FANCB: variants seen among roughly 807,000 people sequenced by gnomAD.
The protein encoded by FANCB is Fanconi anemia group B protein.
A neutral mutation model predicts 38.9 loss-of-function variants in FANCB; 5 were observed. That is an observed-to-expected ratio of 0.13 (90% CI 0.07 to 0.27). The LOEUF is 0.27. FANCB is among the 10% of genes least tolerant of loss of function. The pLI is 1.00. For synonymous variants in FANCB, 236 were observed against 215.4 expected (o/e 1.10, Z -0.84); for missense variants, 573 against 602.7 (o/e 0.95, Z 0.52).
At chrX:14,867,475 C>A (rs991952844) in intron 2 of FANCB, among the ~76,000 whole-genome samples, 2 of 111,340 alleles carry the variant, frequency 1.8e-5, no homozygotes, top group African/African-American at 6.5e-5. Flanking sequence ...AAGAACCACA[C>A]ATTGGGGAAA....
At chrX:14,710,484 A>C in the FANCB span, among the ~76,000 whole-genome samples, 1 of 112,107 alleles carries the variant, frequency 8.9e-6, no homozygotes, top group Non-Finnish European at 1.9e-5. Context: ...CTATATCAGG[A>C]GTTTTCTTAT....
the FANCB span, among the ~76,000 whole-genome samples, chrX:14,735,510 G>T: frequency 8.9e-6 from 1 of 111,835 alleles, no homozygotes; most frequent in Non-Finnish European, 1.9e-5. Context: ...AGGTCTGCTG[G>T]AGTTTCCTGG....
chrX:14,733,721 C>T, the FANCB span, among the ~76,000 whole-genome samples: 13 of 111,624 alleles, frequency 1.2e-4, no homozygotes, highest in African/African-American at 4.2e-4. Context: ...GATTTTGTAT[C>T]CTGAGATTTT....
chrX:14,845,227 C>A lies in FANCB; in HGVS notation c.1556G>T (p.Arg519Leu), dbSNP rs1379342414. 3.3e-6 allele frequency: 4 copies of A among 1,209,328 alleles called. No individual in the cohort carries two copies. Among genetic ancestry groups the A allele is most frequent in the East Asian group, 3.0e-5 (1 of 33,796 alleles). ...CACCCTATTTTGACACTTTAGAAGC[C>A]GAAATCTGGAGTCATGGGCTTGATC... The part of the protein sequence containing the change: ...LMDQAHDSRF[R>L]LLKCQNRVIK... Residue 519 changes from arginine to leucine, a missense_variant, in exon 8 of 10, where the codon CGG (arginine) becomes CTG (leucine). Transcript: ENST00000650831.
chrX:14,838,531 T>C (rs1282608486), downstream of FANCB, among the ~76,000 whole-genome samples: 5 of 111,974 alleles, frequency 4.5e-5, no homozygotes, highest in Non-Finnish European at 7.5e-5. Context: ...ATGTTTTTAC[T>C]ACTTTTACCA....
At chrX:14,861,503 CAACCCAAAGGAAAACTGCTTCTATTGCTT>C (rs1460408826) in intron 3 of FANCB, among the ~76,000 whole-genome samples, 1 of 111,337 alleles carries the variant, frequency 9.0e-6, no homozygotes, top group East Asian at 2.8e-4. Context: ...GATCCATAGC[CAACCCAAAGGAAAACTGCTTCTATTGCTT>C]TCTATTTTGG....
At chrX:14,813,196 A>C in the FANCB span, among the ~76,000 whole-genome samples, 10 of 108,649 alleles carry the variant, frequency 9.2e-5, no homozygotes, top group Middle Eastern at 4.8e-3. Flanking sequence ...ATGACAAACC[A>C]ACAGCCAATA....
the FANCB span, chrX:14,730,251 TG>T: frequency 8.3e-7 from 1 of 1,200,216 alleles, no homozygotes. Context: ...TTAGCGGTTA[TG>T]GGATGGGTCA....
the FANCB span, chrX:14,731,851 T>C: frequency 8.9e-6 from 1 of 111,836 alleles, no homozygotes; most frequent in Admixed American, 9.5e-5. Flanking sequence ...TGAATTAAAA[T>C]GTAGATATTT....
chrX:14,844,578 G>A lies in FANCB; in HGVS notation c.2090C>T (p.Pro697Leu), dbSNP rs147255018. 5.8e-4 allele frequency: 706 copies of A among 1,207,387 alleles called. No homozygotes were observed. The highest frequency in any genetic ancestry group is 7.7e-4 in the Non-Finnish European group (688 of 893,126). The change falls in exon 9 of 10, where the codon CCG (proline) becomes CTG (leucine). Residue 697 changes from proline (P) to leucine (L), a missense_variant. Physicochemically the swap from Pro to Leu is moderately conservative, Grantham distance 98. Coordinates refer to ENST00000650831, the MANE Select transcript of FANCB (RefSeq NM_001018113.3). ...EFPEVYFCERPGSFYGTLFTW... is the reference protein window; with the variant it reads ...EFPEVYFCERLGSFYGTLFTW... ...GAAGAGTGTCCCATAGAAACTTCCC[G>A]GTCTTTCACAAAAGTACACTTCTGG...
chrX:14,853,933 A>T (rs1487280642), intron 5 of FANCB, among the ~76,000 whole-genome samples: 1 of 112,489 alleles, frequency 8.9e-6, no homozygotes, highest in African/African-American at 3.2e-5. Flanking sequence ...GAGGCTGTTT[A>T]AGTATTCATC....
the FANCB span, among the ~76,000 whole-genome samples, chrX:14,732,130 C>A: frequency 9.1e-6 from 1 of 110,432 alleles, no homozygotes; most frequent in Non-Finnish European, 1.9e-5. Context: ...TGAGAACATG[C>A]GGTGTTTGTT....
At chrX:14,815,242 C>G in the FANCB span, among the ~76,000 whole-genome samples, 1 of 110,065 alleles carries the variant, frequency 9.1e-6, no homozygotes, top group East Asian at 2.9e-4. Flanking sequence ...CTGGGTGCAG[C>G]AAGCCAACAT....
the FANCB span, among the ~76,000 whole-genome samples, chrX:14,700,024 T>TA: frequency 9.0e-6 from 1 of 110,943 alleles, no homozygotes. Flanking sequence ...AACTAATGGG[T>TA]ACTAGGCTTA....
At chrX:14,864,515 G>C (rs769951336) in intron 3 of FANCB, 45 bp downstream of exon 3, 22 of 859,144 alleles carry the variant, frequency 2.6e-5, no homozygotes, top group Non-Finnish European at 3.6e-5. Context: ...ATGTTTAAAA[G>C]GTCTGAGACC....
At chrX:14,832,162 A>C (rs2092328972), downstream of FANCB, among the ~76,000 whole-genome samples, 1 of 112,122 alleles carries the variant, frequency 8.9e-6, no homozygotes, top group Admixed American at 9.4e-5. Flanking sequence ...ATTGTTCCTC[A>C]GTTCTGGAGG....
At chrX:14,766,767 G>T in the FANCB span, among the ~76,000 whole-genome samples, 1 of 110,218 alleles carries the variant, frequency 9.1e-6, no homozygotes, top group South Asian at 3.9e-4. Flanking sequence ...ATGGTGGTTT[G>T]CTGCACAGAT....
intron 2 of FANCB, among the ~76,000 whole-genome samples, chrX:14,867,061 A>T (rs779074980): frequency 1.8e-5 from 2 of 111,986 alleles, no homozygotes; most frequent in South Asian, 3.7e-4. Context: ...GAAAACTATA[A>T]TATACTGATG....
chrX:14,732,751 T>C, the FANCB span, among the ~76,000 whole-genome samples: 2 of 112,346 alleles, frequency 1.8e-5, no homozygotes, highest in Non-Finnish European at 3.8e-5. Flanking sequence ...TAAATTTGTT[T>C]AAGTTATTTG....
Sources: gnomAD v4.1 joint callset for allele counts (sites outside exome capture counted in the v4.1 genomes callset) on GRCh38, gnomAD v4.1.1 for gene constraint, MANE v1.5 for transcripts, NCBI Gene and HGNC (gene_info 2026-07-23, HGNC 2026-07-21) for gene names.